Variants in FLT4 observed in about 807,000 individuals in gnomAD.
FLT4 encodes the protein vascular endothelial growth factor receptor 3.
In FLT4, 30 loss-of-function variants were observed where a neutral mutation model predicts 163.2. That is an observed-to-expected ratio of 0.18 (90% CI 0.14 to 0.25). FLT4 has a LOEUF of 0.25. Ranked by LOEUF, FLT4 falls within the 10% of genes least tolerant of loss-of-function variation. The pLI, the probability that FLT4 is intolerant of heterozygous loss-of-function variation, is 1.00. For missense variants in FLT4, 1,510 were observed against 1,863.8 expected (o/e 0.81, Z 3.50); for synonymous variants, 884 against 789.5 (o/e 1.12, Z -2.01).
At position 180,623,942 on chromosome 5, in the gene FLT4, T is replaced by G; in HGVS notation, c.1541A>C (p.Lys514Thr). The change falls in exon 11 of 30, where the codon AAG becomes ACG. Residue 514 changes from lysine (K) to threonine (T), a missense_variant. This residue lies in a region of FLT4 where 878 missense variants were observed against 1,016.7 expected (regional missense o/e 0.86). Transcript: ENST00000261937. The surrounding 1 kb of genome is among the most constrained non-coding windows in gnomAD (Gnocchi z 5.8). ...AGCGCGGCTGGCCTGTACCTTATTC[T>G]TTCCCTCCACAAACTCGGTCCAGGT... Reference protein sequence around the residue: ...LDTWTEFVEGKNKTVSKLVIQ... With the variant: ...LDTWTEFVEGTNKTVSKLVIQ... 6.2e-7 allele frequency: 1 copy of G among 1,613,606 alleles called. No individual in the cohort carries two copies. The highest frequency in any genetic ancestry group is 8.5e-7 in the Non-Finnish European group (1 of 1,179,998).
intron 24 of FLT4, chr5:180,613,412 G>A (rs1169043637): frequency 1.1e-5 from 4 of 376,820 alleles, no homozygotes; most frequent in East Asian, 4.3e-5. Context: ...GATCATCAGC[G>A]GCGGGGGAGC....
chr5:180,618,229 TC>T (rs370166202), intron 21 of FLT4, among the ~76,000 whole-genome samples: 3 of 79,928 alleles, frequency 3.8e-5, no homozygotes, highest in African/African-American at 4.6e-5. Context: ...CACGTCCTAC[TC>T]CCAGAGCACC....
Position 180,608,963 on chromosome 5 carries a change from C to T in FLT4, c.3893+5G>A, listed in dbSNP as rs1050932639. On this transcript the variant is annotated splice_donor_5th_base_variant and intron_variant, in intron 29 of 29. Transcript: ENST00000261937. The stretch of plus-strand genomic sequence containing the variant: ...TGCAGTGCAGGAGGCTCACGAAGCC[C>T]TTACCTGAAGCCGCTTTCTTGTCTA... 1 of 1,613,298 alleles carries T rather than the reference C, an allele frequency of 6.2e-7. No homozygotes were observed. The highest frequency in any genetic ancestry group is 1.7e-5 in the Admixed American group (1 of 60,014).
At position 180,630,214 on chromosome 5, in the gene FLT4, T is replaced by TG. The variant is rs577902977; in HGVS notation, c.513+10dup. The TG allele has an allele frequency of 1.2e-5, 19 of 1,610,304 alleles. No individual in the cohort carries two copies. The South Asian group carries it at 2.0e-4, about 17-fold the overall frequency. On this transcript the variant is annotated intron_variant, in intron 4 of 29. Coordinates refer to ENST00000261937, the MANE Select transcript of FLT4 (RefSeq NM_182925.5). The surrounding 1 kb of genome is among the most constrained non-coding windows in gnomAD (Gnocchi z 6.3). Reference sequence around the variant, plus strand: ...GGAGGGTCGGATGCTGGGGTTGGGGTGGGGCCGTACCGAGCGCAGCGTGAC... The same window carrying TG: ...GGAGGGTCGGATGCTGGGGTTGGGGTGGGGGCCGTACCGAGCGCAGCGTGAC...
intron 29 of FLT4, among the ~76,000 whole-genome samples, chr5:180,604,219 A>T (rs932310235): frequency 6.6e-6 from 1 of 152,026 alleles, no homozygotes; most frequent in Non-Finnish European, 1.5e-5. Flanking sequence ...GTCCAACTTC[A>T]TCCCCCAACC....
rs373876329 is a variant in FLT4, at chr5:180,616,438, C to T, written c.3148G>A (p.Val1050Met). The stretch of plus-strand genomic sequence containing the variant: ...AGGCCAAAGTCACAGATCTTCACCA[C>T]GTCGCTTTCCGACAGCAGAATGTTC... ...ARNILLSESD[V>M]VKICDFGLAR... The change falls in exon 23 of 30, where the codon GTG (valine) becomes ATG (methionine). Residue 1050 changes from valine to methionine, a missense_variant. By Grantham distance (21) the Val-to-Met change is conservative. Transcript: ENST00000261937. 9 of 1,613,882 alleles carry T rather than the reference C, an allele frequency of 5.6e-6. No homozygotes were observed. Among genetic ancestry groups the T allele is most frequent in the East Asian group, 2.2e-5 (1 of 44,896 alleles).
chr5:180,644,959 T>C (rs571782817), intron 1 of FLT4, among the ~76,000 whole-genome samples: 2 of 152,274 alleles, frequency 1.3e-5, no homozygotes, highest in South Asian at 4.2e-4. Flanking sequence ...TGCCCGGAGT[T>C]CCCAGCAGTC....
chr5:180,601,984 T>C lies in FLT4; in HGVS notation c.*1208A>G. ...TGGCTCTTTCTCCTGGTGAGATGGTTGGGCACTGTGAGCTGGGATAGGGGT... is the reference window on the plus strand; with the variant it reads ...TGGCTCTTTCTCCTGGTGAGATGGTCGGGCACTGTGAGCTGGGATAGGGGT... On this transcript the variant is annotated 3_prime_UTR_variant, in exon 30 of 30. Transcript: ENST00000261937. The C allele has an allele frequency of 4.3e-6, 1 of 233,528 alleles. No individual in the cohort carries two copies. The highest frequency in any genetic ancestry group is 1.3e-3 in the Middle Eastern group (1 of 786). 14.5% of individuals were successfully genotyped at this position (233,528 alleles called of 1,614,324 possible).
intron 1 of FLT4, among the ~76,000 whole-genome samples, chr5:180,633,306 C>T (rs1764318589): frequency 6.6e-6 from 1 of 152,240 alleles, no homozygotes; most frequent in African/African-American, 2.4e-5. Flanking sequence ...TTAAACCACA[C>T]ATCCAGACCC....
Position 180,620,050 on chromosome 5 carries a change from A to G in FLT4, c.2542+123T>C. Reference sequence around the variant, plus strand: ...GTTCTAGGTACCCACGCCCACAGGGACAGGTCAGGCCAGGCGGAACTTCCT... The same window carrying G: ...GTTCTAGGTACCCACGCCCACAGGGGCAGGTCAGGCCAGGCGGAACTTCCT... On this transcript the variant is annotated intron_variant, in intron 17 of 29. Coordinates refer to ENST00000261937, the MANE Select transcript of FLT4 (RefSeq NM_182925.5). This position sits in a 1 kb window ranked among gnomAD's most constrained non-coding sequence, Gnocchi z 4.4. The G allele has an allele frequency of 7.9e-7, 1 of 1,264,120 alleles. No individual in the cohort carries two copies. Among genetic ancestry groups the G allele is most frequent in the Non-Finnish European group, 1.1e-6 (1 of 905,878 alleles). 78.3% of individuals were successfully genotyped at this position (1,264,120 alleles called of 1,614,324 possible). A position where few individuals can be genotyped will look rare whatever the true frequency, so the allele number is the denominator to read the frequency against.
rs199788289 is a variant in FLT4, at chr5:180,619,681, G to A, written c.2631C>T (p.Ala877=). 3.9e-5 allele frequency: 63 copies of A among 1,612,430 alleles called. 1 individual carries two copies. In the East Asian group the frequency reaches 6.5e-4, roughly 17 times the overall value. Residue 877 remains alanine (A), a synonymous_variant, in exon 18 of 30, where the codon GCC becomes GCT. Coordinates refer to ENST00000261937, the MANE Select transcript of FLT4 (RefSeq NM_182925.5). ...ACCCCACACCTTTCAGCATTTTCAC[G>A]GCCACGGTGTCACAGCTGCTGCCCT... is the stretch of plus-strand genomic sequence containing the variant. ...IHKGSSCDTV[A]VKMLKEGATA...
At chr5:180,631,186 G>T (rs1044961646) in intron 2 of FLT4, among the ~76,000 whole-genome samples, 4 of 152,090 alleles carry the variant, frequency 2.6e-5, no homozygotes, top group Non-Finnish European at 5.9e-5. Context: ...AAATGCTGAT[G>T]GGGTGGGCTG....
intron 29 of FLT4, among the ~76,000 whole-genome samples, chr5:180,604,704 T>C (rs369834349): frequency 1.3e-5 from 2 of 152,188 alleles, no homozygotes; most frequent in South Asian, 2.1e-4. Flanking sequence ...TGTTGACTTC[T>C]TGTTTGGTGC....
chr5:180,621,868 G>C lies in FLT4; in HGVS notation c.1694C>G (p.Ser565Cys). 1 of 1,613,510 alleles carries C rather than the reference G, an allele frequency of 6.2e-7. No individual in the cohort carries two copies. Reference protein sequence around the residue: ...PDGFTIESKPSEELLEGQPVL... With the variant: ...PDGFTIESKPCEELLEGQPVL... The stretch of plus-strand genomic sequence containing the variant: ...CGGCTGGCCCTCTAGTAGCTCCTCG[G>C]ATGGCTTGGATTCGATGGTGAAGCC... Residue 565 changes from serine to cysteine, a missense_variant, in exon 13 of 30, where the codon TCC becomes TGC. Transcript: ENST00000261937.
intron 10 of FLT4, 81 bp downstream of exon 10, chr5:180,625,788 G>T: frequency 7.6e-7 from 1 of 1,314,730 alleles, no homozygotes; most frequent in South Asian, 1.2e-5. Context: ...GGGCAGTGAG[G>T]GGTGCTGTAA....
At position 180,611,453 on chromosome 5, in the gene FLT4, C is replaced by T. The variant is rs199984494; in HGVS notation, c.3564G>A (p.Pro1188=). 17 of 1,613,844 alleles carry T rather than the reference C, an allele frequency of 1.1e-5. No homozygotes were observed. The highest frequency in any genetic ancestry group is 8.0e-5 in the African/African-American group (6 of 74,980). ...CCTCTTCTGAGCTCTGAGAGCTGCG[C>T]GGGGCCATGCAGACCTCCTCTTCCT... is the stretch of plus-strand genomic sequence containing the variant. ...LQEEEEVCMA[P]RSSQSSEEGS... The change falls in exon 27 of 30, where the codon CCG becomes CCA. Residue 1188 remains proline, a synonymous_variant. Transcript: ENST00000261937.
upstream of FLT4, among the ~76,000 whole-genome samples, chr5:180,649,938 T>C (rs527613897): frequency 3.9e-5 from 6 of 152,224 alleles, no homozygotes; most frequent in South Asian, 1.2e-3. Context: ...AAAGCAATCC[T>C]TGTAAAAATA....
chr5:180,609,164 A>C (rs1343128150), intron 28 of FLT4, 111 bp from the exon 29 acceptor site: 2 of 848,376 alleles, frequency 2.4e-6, no homozygotes, highest in East Asian at 2.5e-5. Context: ...CTGACCTAAC[A>C]CCTGTCCCTG....
At chr5:180,631,334 G>C (rs188247252) in intron 2 of FLT4, among the ~76,000 whole-genome samples, 1 of 152,098 alleles carries the variant, frequency 6.6e-6, no homozygotes, top group African/African-American at 2.4e-5. Context: ...TTAGCCGGGC[G>C]TGGTGGCGGG....
Sources: gnomAD v4.1 joint callset for allele counts (sites outside exome capture counted in the v4.1 genomes callset) on GRCh38, gnomAD v4.1.1 for gene constraint, gnomAD v4.1.1 regional missense constraint, Gnocchi (gnomAD v3.1) non-coding constraint, MANE v1.5 for transcripts, NCBI Gene and HGNC (gene_info 2026-07-23, HGNC 2026-07-21) for gene names.